Variants in DNAH11 observed in about 807,000 individuals in gnomAD.
DNAH11 encodes axonemal beta dynein heavy chain 11.
A neutral mutation model predicts 526.0 loss-of-function variants in DNAH11; 442 were observed. The observed-to-expected ratio is 0.84, with a 90% CI of 0.78 to 0.91. The LOEUF (loss-of-function observed/expected upper bound fraction) is 0.91. DNAH11 is among the 40% of genes least tolerant of loss of function. The pLI is 0.00. For synonymous variants in DNAH11, 2,461 were observed against 1,935.9 expected, an observed-to-expected ratio of 1.27 and a Z score of -7.12; for missense variants, 6,989 against 5,448.7, an observed-to-expected ratio of 1.28 and a Z score of -8.90.
intron 6 of DNAH11, among the ~76,000 whole-genome samples, chr7:21,566,029 C>T (rs796186684): frequency 1.3e-5 from 2 of 152,158 alleles, no homozygotes; most frequent in Admixed American, 6.6e-5. Flanking sequence ...ATCCCTGTTG[C>T]AGGGCCAAAA....
At chr7:21,789,499 A>G (rs1263039186) in intron 61 of DNAH11, among the ~76,000 whole-genome samples, 157 bp downstream of exon 61, 1 of 152,062 alleles carries the variant, frequency 6.6e-6, no homozygotes, top group East Asian at 1.9e-4. Context: ...TTCAGTAGGT[A>G]TTTCTTATCT....
intron 14 of DNAH11, among the ~76,000 whole-genome samples, chr7:21,597,324 G>T (rs1049586215): frequency 6.6e-6 from 1 of 152,146 alleles, no homozygotes; most frequent in African/African-American, 2.4e-5. Flanking sequence ...CAAGAGGGCT[G>T]GTTTCTAGTC....
At chr7:21,614,934 T>A (rs150379961) in intron 20 of DNAH11, among the ~76,000 whole-genome samples, 180 bp from the exon 21 acceptor site, 2 of 152,238 alleles carry the variant, frequency 1.3e-5, no homozygotes, top group Non-Finnish European at 2.9e-5. Flanking sequence ...GTTCTCACTT[T>A]TTGTGCAGCT....
chr7:21,700,817 G>C (rs1464826654), intron 36 of DNAH11, among the ~76,000 whole-genome samples: 1 of 152,124 alleles, frequency 6.6e-6, no homozygotes, highest in African/African-American at 2.4e-5. Flanking sequence ...CAGAGACATG[G>C]ACGAGGATGG....
Position 21,639,063 on chromosome 7 carries a change from C to A in DNAH11, c.4942C>A (p.Gln1648Lys), listed in dbSNP as rs373372239. Reference protein sequence around the residue: ...DILSKGAQPKQVTCHLAKLFD... With the variant: ...DILSKGAQPKKVTCHLAKLFD... ...TCTCTCAAAAGGAGCTCAGCCTAAA[C>A]AGGTAATATTTTTTTTGAAAGTCTC... Residue 1648 changes from glutamine to lysine, a missense_variant and splice_region_variant, in exon 28 of 82, where the codon CAG becomes AAG. Coordinates refer to ENST00000409508, the MANE Select transcript of DNAH11 (RefSeq NM_001277115.2). The A allele has an allele frequency of 6.2e-7, 1 of 1,608,466 alleles. No individual in the cohort carries two copies. The highest frequency in any genetic ancestry group is 8.5e-7 in the Non-Finnish European group (1 of 1,178,466).
intron 1 of DNAH11, 31 bp downstream of exon 1, chr7:21,543,627 AT>A: frequency 1.3e-6 from 2 of 1,556,208 alleles, no homozygotes; most frequent in Non-Finnish European, 1.7e-6. Flanking sequence ...GGACCTGCCC[AT>A]CCAACAAAAC....
intron 42 of DNAH11, among the ~76,000 whole-genome samples, chr7:21,714,612 C>T (rs1784582186): frequency 6.6e-6 from 1 of 152,108 alleles, no homozygotes; most frequent in South Asian, 2.1e-4. Context: ...AAGCGAATCT[C>T]GTAAGTCTCA....
At chr7:21,597,529 TG>T (rs1784904335) in intron 14 of DNAH11, among the ~76,000 whole-genome samples, 1 of 152,136 alleles carries the variant, frequency 6.6e-6, no homozygotes. Context: ...CTTACAATCA[TG>T]GCAGAAGGCA....
chr7:21,820,582 A>G (rs1038387766), intron 65 of DNAH11, among the ~76,000 whole-genome samples: 12 of 152,148 alleles, frequency 7.9e-5, no homozygotes, highest in Admixed American at 2.6e-4. Context: ...AAATGGGTGG[A>G]GAGTCTGTGT....
rs758339895 is a variant in DNAH11 at position 21,599,843 on chromosome 7, A to G, written c.2724A>G (p.Val908=). 3 of 1,599,198 alleles carry G rather than the reference A, an allele frequency of 1.9e-6. No homozygotes were observed. Among genetic ancestry groups the G allele is most frequent in the Non-Finnish European group, 1.7e-6 (2 of 1,170,628 alleles). Residue 908 remains valine (V), a synonymous_variant, in exon 15 of 82, where the codon GTA becomes GTG. Coordinates refer to ENST00000409508, the MANE Select transcript of DNAH11 (RefSeq NM_001277115.2). ...NPSLDTWKIY[V]EFIDDIVVEG... is the part of the protein sequence containing the mutation. ...CTCTGGATACCTGGAAAATTTATGT[A>G]GAATTCATTGACGACATTGTGGTGG... is the stretch of plus-strand genomic sequence containing the variant.
chr7:21,829,038 G>A (rs1174320288), intron 65 of DNAH11, among the ~76,000 whole-genome samples: 1 of 152,056 alleles, frequency 6.6e-6, no homozygotes, highest in Non-Finnish European at 1.5e-5. Flanking sequence ...TCCCGCTGAG[G>A]TTGCTAAGTA....
intron 20 of DNAH11, among the ~76,000 whole-genome samples, chr7:21,612,536 C>G (rs1785571567): frequency 8.4e-6 from 1 of 118,782 alleles, no homozygotes; most frequent in South Asian, 2.9e-4. Flanking sequence ...GCCTGGGCGA[C>G]AGAGTGAGGC....
chr7:21,748,678 A>G lies in DNAH11; in HGVS notation c.8609A>G (p.Tyr2870Cys), dbSNP rs1786268118. Residue 2870 changes from tyrosine (Y) to cysteine (C), a missense_variant, in exon 52 of 82, where the codon TAC (tyrosine) becomes TGC (cysteine). Tyr to Cys is a radical substitution (Grantham distance 194). Transcript: ENST00000409508. ...GKQSLSRLAA[Y>C]LRGLEVFQIT... ...CAGAGCTTGTCCAGGCTGGCAGCTT[A>G]CCTTCGTGGCCTTGAGGTCTTTCAG... The G allele has an allele frequency of 6.2e-7, 1 of 1,613,440 alleles. No individual in the cohort carries two copies. The highest frequency in any genetic ancestry group is 1.1e-5 in the South Asian group (1 of 91,038).
intron 1 of DNAH11, among the ~76,000 whole-genome samples, chr7:21,544,226 A>G (rs1459894996): frequency 6.6e-6 from 1 of 152,230 alleles, no homozygotes; most frequent in Non-Finnish European, 1.5e-5. Flanking sequence ...ACTTGTATTT[A>G]GTATTTTTCA....
rs1160328069 is a variant in DNAH11 at position 21,689,482 on chromosome 7, A to G, written c.5925-1283A>G. Among the ~76,000 whole-genome samples, 3 of 152,212 alleles carry G rather than the reference A, an allele frequency of 2.0e-5. 1 individual carries two copies. The highest frequency in any genetic ancestry group is 2.0e-4 in the Admixed American group (3 of 15,284). On this transcript the variant is annotated intron_variant, in intron 34 of 81. Coordinates refer to ENST00000409508, the MANE Select transcript of DNAH11 (RefSeq NM_001277115.2). ...GATTTAAGAGATGGGACCATGCCTC[A>G]ATTACAAAGCCTTCTAGTGCCTTGC...
At chr7:21,845,223 T>G (rs1258420929) in intron 66 of DNAH11, among the ~76,000 whole-genome samples, 2 of 152,200 alleles carry the variant, frequency 1.3e-5, no homozygotes, top group Non-Finnish European at 2.9e-5. Context: ...AGTTTTTAAT[T>G]TTGGTAATGT....
At chr7:21,740,185 A>G (rs541447803) in intron 48 of DNAH11, among the ~76,000 whole-genome samples, 3 of 147,416 alleles carry the variant, frequency 2.0e-5, no homozygotes, top group Admixed American at 1.4e-4. Context: ...CCTGGTAACA[A>G]TTGATCTTTT....
chr7:21,816,019 GATAGGT>G (rs1789772742), intron 63 of DNAH11, among the ~76,000 whole-genome samples: 1 of 152,074 alleles, frequency 6.6e-6, no homozygotes, highest in African/African-American at 2.4e-5. Flanking sequence ...ATCCCAGAGA[GATAGGT>G]CATCTCTTTG....
chr7:21,741,487 G>C (rs1583649015), intron 48 of DNAH11, among the ~76,000 whole-genome samples: 1 of 152,346 alleles, frequency 6.6e-6, no homozygotes, highest in Admixed American at 6.5e-5. Flanking sequence ...CATACATTCA[G>C]TAGCATACAG....
Sources: gnomAD v4.1 joint callset for allele counts (sites outside exome capture counted in the v4.1 genomes callset) on GRCh38, gnomAD v4.1.1 for gene constraint, MANE v1.5 for transcripts, NCBI Gene and HGNC (gene_info 2026-07-23, HGNC 2026-07-21) for gene names.